PIWIL3: variants seen among roughly 807,000 people sequenced by gnomAD.
PIWIL3 encodes piwi like RNA-mediated gene silencing 3, also known as piwi-like protein 3.
A neutral mutation model predicts 109.7 loss-of-function variants in PIWIL3; 101 were observed. The observed-to-expected ratio is 0.92, with a 90% CI of 0.78 to 1.09. The LOEUF is 1.09. PIWIL3 is among the 50% of genes least tolerant of loss of function. The pLI is 0.00. For missense variants in PIWIL3, 1,031 were observed against 1,072.6 expected (o/e 0.96, Z 0.54); for synonymous variants, 373 against 376.4 (o/e 0.99, Z 0.10).
At chr22:24,761,489 G>A (rs934866269) in intron 2 of PIWIL3, among the ~76,000 whole-genome samples, 1 of 152,206 alleles carries the variant, frequency 6.6e-6, no homozygotes, top group Non-Finnish European at 1.5e-5. Flanking sequence ...AAGGTTTCTT[G>A]ATGAATGGGA....
chr22:24,752,648 T>C (rs1261594475), intron 8 of PIWIL3, among the ~76,000 whole-genome samples: 1 of 152,238 alleles, frequency 6.6e-6, no homozygotes, highest in Admixed American at 6.5e-5. Context: ...TTTGTGGGTC[T>C]ATGTCTTTGT....
intron 8 of PIWIL3, among the ~76,000 whole-genome samples, chr22:24,752,599 TTC>T: frequency 6.7e-6 from 1 of 148,636 alleles, no homozygotes; most frequent in South Asian, 2.1e-4. Flanking sequence ...CACTTTTCTC[TTC>T]TTTCACCTAT....
chr22:24,720,618 A>C (rs547277428), intron 19 of PIWIL3, among the ~76,000 whole-genome samples: 1 of 152,268 alleles, frequency 6.6e-6, no homozygotes, highest in Admixed American at 6.5e-5. Context: ...TATGTGTTAT[A>C]AATATTGAAT....
intron 14 of PIWIL3, 87 bp downstream of exon 14, chr22:24,733,997 A>G (rs5760612): frequency 0.46 from 655,529 of 1,436,620 alleles, 152,464 homozygotes; most frequent in Non-Finnish European, 0.48. Flanking sequence ...CAGGAAACCA[A>G]CAACAACATT....
intron 12 of PIWIL3, among the ~76,000 whole-genome samples, chr22:24,742,160 A>G (rs1924046488): frequency 6.6e-6 from 1 of 151,460 alleles, no homozygotes. Flanking sequence ...GCAAAAAAAA[A>G]AAAAAAAAAA....
chr22:24,764,181 G>T (rs529223099), intron 1 of PIWIL3, among the ~76,000 whole-genome samples: 1 of 152,232 alleles, frequency 6.6e-6, no homozygotes, highest in African/African-American at 2.4e-5. Context: ...CTCTTCTGGC[G>T]CCGCCTCCGT....
intron 12 of PIWIL3, among the ~76,000 whole-genome samples, chr22:24,743,680 A>AGG (rs1017702760): frequency 9.2e-5 from 14 of 152,158 alleles, no homozygotes; most frequent in Admixed American, 2.0e-4. Context: ...GAAGGATGGG[A>AGG]GGGGGTGATG....
intron 7 of PIWIL3, 105 bp downstream of exon 7, chr22:24,754,679 G>A (rs1924915484): frequency 1.2e-6 from 1 of 857,342 alleles, no homozygotes; most frequent in South Asian, 1.5e-5. Flanking sequence ...CATTTAAAAG[G>A]CCATCACTTT....
intron 16 of PIWIL3, among the ~76,000 whole-genome samples, chr22:24,726,284 TTTC>T (rs1478513045): frequency 1.3e-5 from 2 of 151,700 alleles, no homozygotes; most frequent in African/African-American, 2.4e-5. Flanking sequence ...ATTTTCTTTC[TTTC>T]TTTTTTTTTT....
intron 16 of PIWIL3, 93 bp from the exon 17 acceptor site, chr22:24,725,608 G>A: frequency 8.3e-7 from 1 of 1,199,462 alleles, no homozygotes; most frequent in Non-Finnish European, 1.2e-6. Context: ...ATTACTATCA[G>A]TAGTTAAGGA....
intron 1 of PIWIL3, among the ~76,000 whole-genome samples, chr22:24,770,660 T>TAAAAAAA (rs57209194): frequency 1.3e-5 from 1 of 77,590 alleles, no homozygotes; most frequent in Non-Finnish European, 2.5e-5. Flanking sequence ...CCGTCTCTAC[T>TAAAAAAA]AAAAAAAAAA....
chr22:24,749,138 G>GGT, intron 11 of PIWIL3, 117 bp from the exon 12 acceptor site: 2 of 882,622 alleles, frequency 2.3e-6, no homozygotes, highest in South Asian at 3.4e-5. Flanking sequence ...GCAGCATTGA[G>GGT]ATGCGGCAGT....
At position 24,758,188 on chromosome 22, in the gene PIWIL3, G is replaced by A. The variant is rs151303085; in HGVS notation, c.224-149C>T. 9.4e-4 allele frequency: 933 copies of A among 988,686 alleles called. 11 individuals carry two copies. In the Admixed American group the frequency reaches 0.021, roughly 23 times the overall value. The allele number at this position is 988,686 out of a possible 1,614,324, so 61.2% of individuals were successfully genotyped here. A position where few individuals can be genotyped will look rare whatever the true frequency, so the allele number is the denominator to read the frequency against. ...TTCCGTGATATGTTGCCGCAAAAGC[G>A]TAACCTTACCCAGAAACCTTTCCCA... On this transcript the variant is annotated intron_variant, in intron 3 of 20. Coordinates refer to ENST00000616349, the MANE Select transcript of PIWIL3 (RefSeq NM_001255975.1).
At chr22:24,750,001 C>T (rs1316205424) in intron 9 of PIWIL3, among the ~76,000 whole-genome samples, 182 bp from the exon 10 acceptor site, 1 of 152,182 alleles carries the variant, frequency 6.6e-6, no homozygotes, top group Non-Finnish European at 1.5e-5. Context: ...CTTTGATATG[C>T]CACGGATCTT....
chr22:24,766,061 C>G (rs1925769476), intron 1 of PIWIL3, among the ~76,000 whole-genome samples: 1 of 151,478 alleles, frequency 6.6e-6, no homozygotes, highest in African/African-American at 2.4e-5. Context: ...AAAAGAAACC[C>G]TCCCACCTCA....
At chr22:24,753,498 C>T (rs1019974969) in intron 8 of PIWIL3, among the ~76,000 whole-genome samples, 1 of 152,086 alleles carries the variant, frequency 6.6e-6, no homozygotes, top group Admixed American at 6.6e-5. Flanking sequence ...GTCTTTAGAC[C>T]AACATCACAC....
At chr22:24,727,309 A>G (rs1001422931) in intron 16 of PIWIL3, among the ~76,000 whole-genome samples, 1 of 152,202 alleles carries the variant, frequency 6.6e-6, no homozygotes, top group Non-Finnish European at 1.5e-5. Flanking sequence ...TTTCCAAATG[A>G]GTCATTTGTA....
intron 2 of PIWIL3, among the ~76,000 whole-genome samples, chr22:24,761,270 G>C (rs904427733): frequency 6.6e-6 from 1 of 152,128 alleles, no homozygotes; most frequent in African/African-American, 2.4e-5. Context: ...TGAGGCTCAA[G>C]GGCTGGGTCT....
intron 1 of PIWIL3, among the ~76,000 whole-genome samples, chr22:24,769,226 G>A (rs1316558400): frequency 6.6e-6 from 1 of 152,168 alleles, no homozygotes; most frequent in African/African-American, 2.4e-5. Flanking sequence ...TACTTTGTAA[G>A]TAGTTGTTAT....
Sources: gnomAD v4.1 joint callset for allele counts (sites outside exome capture counted in the v4.1 genomes callset) on GRCh38, gnomAD v4.1.1 for gene constraint, MANE v1.5 for transcripts, NCBI Gene and HGNC (gene_info 2026-07-23, HGNC 2026-07-21) for gene names.